The following SACS variants were observed in gnomAD, a reference collection of about 807,000 sequenced individuals.
SACS encodes sacsin molecular chaperone.
A neutral mutation model predicts 348.0 loss-of-function variants in SACS; 197 were observed. The observed-to-expected ratio is 0.57, with a 90% CI of 0.50 to 0.64. The LOEUF is 0.64. SACS is among the 30% of genes least tolerant of loss of function. The probability of loss-of-function intolerance (pLI) is 0.00; values close to 1 mark genes in which losing one functional copy is unlikely to be tolerated. For missense variants in SACS, 4,999 were observed against 5,360.8 expected (o/e 0.93, Z 2.11); for synonymous variants, 1,985 against 1,910.6 (o/e 1.04, Z -1.02).
chr13:23,330,024 C>A lies in SACS; in HGVS notation c.*112G>T, dbSNP rs1045292870. On this transcript the variant is annotated 3_prime_UTR_variant, in exon 10 of 10. Transcript: ENST00000382292. ...AACTCCAGAATTCTCCAAGAACAATCTGCAATGTGCTTAACAATTCCTAGC... is the reference window on the plus strand; with the variant it reads ...AACTCCAGAATTCTCCAAGAACAATATGCAATGTGCTTAACAATTCCTAGC... 2.1e-6 allele frequency: 2 copies of A among 953,996 alleles called. No homozygotes were observed. Among genetic ancestry groups the A allele is most frequent in the East Asian group, 2.6e-5 (1 of 38,416 alleles). The allele number at this position is 953,996 out of a possible 1,614,324, so 59.1% of individuals were successfully genotyped here.
chr13:23,377,982 T>G lies in SACS; in HGVS notation c.21-2713A>C, dbSNP rs1485407203. Among the ~76,000 whole-genome samples the G allele has an allele frequency of 2.6e-5, 4 of 152,358 alleles. No individual in the cohort carries two copies. The East Asian group carries it at 7.7e-4, about 29-fold the overall frequency. On this transcript the variant is annotated intron_variant, in intron 2 of 9. Coordinates refer to ENST00000382292, the MANE Select transcript of SACS (RefSeq NM_014363.6). ...GAAAAATGACAAAACTTTTCTTCTC[T>G]TTGTGCTCAGGTAGACACAATTGCT...
At chr13:23,416,304 G>T (rs918765828) in intron 1 of SACS, among the ~76,000 whole-genome samples, 3 of 137,892 alleles carry the variant, frequency 2.2e-5, no homozygotes, top group African/African-American at 7.4e-5. Context: ...ATGAAAAAAT[G>T]TCTTGGGGAT....
chr13:23,374,370 T>C (rs1268927976), intron 3 of SACS, among the ~76,000 whole-genome samples: 1 of 152,242 alleles, frequency 6.6e-6, no homozygotes, highest in African/African-American at 2.4e-5. Flanking sequence ...ACACCTGAAA[T>C]GTCATCCTAT....
rs1389773477 is a variant in SACS at position 23,340,215 on chromosome 13, G to C, written c.3661C>G (p.Leu1221Val). The change falls in exon 10 of 10, where the codon CTT becomes GTT. Residue 1221 changes from leucine to valine, a missense_variant. Leu to Val is a conservative substitution (Grantham distance 32, BLOSUM62 1). This residue lies in a region of SACS where 3,156 missense variants were observed against 3,380.1 expected (regional missense o/e 0.93). Coordinates refer to ENST00000382292, the MANE Select transcript of SACS (RefSeq NM_014363.6). ...KALGIFTKPS[L>V]SAVLKHFKIV... ...TTAAAGTGTTTTAAGACAGCACTAA[G>C]GCTAGGTTTTGTGAAGATCCCTAAT... The C allele has an allele frequency of 1.2e-6, 2 of 1,610,892 alleles. No individual in the cohort carries two copies. Among genetic ancestry groups the C allele is most frequent in the Non-Finnish European group, 1.7e-6 (2 of 1,178,162 alleles).
intron 9 of SACS, among the ~76,000 whole-genome samples, chr13:23,346,220 A>G (rs901100258): frequency 6.6e-6 from 1 of 152,134 alleles, no homozygotes; most frequent in African/African-American, 2.4e-5. Context: ...GTCTCAGTTC[A>G]CTGCAACCTC....
chr13:23,353,802 T>C lies in SACS; in HGVS notation c.2168A>G (p.Glu723Gly). ...LKPHLVAALK[E>G]AAQTRGRPCT... The stretch of plus-strand genomic sequence containing the variant: ...TATAATACCTCGGGTTTGGGCAGCT[T>C]CCTTTAAAGCAGCCACAAGGTGAGG... Residue 723 changes from glutamate (E) to glycine (G), a missense_variant, in exon 9 of 10, where the codon GAA becomes GGA. Physicochemically the swap from Glu to Gly is moderately conservative, Grantham distance 98. Coordinates refer to ENST00000382292, the MANE Select transcript of SACS (RefSeq NM_014363.6). 2 of 1,604,060 alleles carry C rather than the reference T, an allele frequency of 1.2e-6. No individual in the cohort carries two copies. The highest frequency in any genetic ancestry group is 1.7e-6 in the Non-Finnish European group (2 of 1,171,224).
chr13:23,343,214 T>G (rs893014082), intron 9 of SACS, among the ~76,000 whole-genome samples: 1 of 152,214 alleles, frequency 6.6e-6, no homozygotes, highest in African/African-American at 2.4e-5. Context: ...AGTTTCTTTC[T>G]AAGTGAATTT....
At chr13:23,419,732 TTCTG>T (rs1196025488) in intron 1 of SACS, among the ~76,000 whole-genome samples, 2 of 152,204 alleles carry the variant, frequency 1.3e-5, no homozygotes, top group African/African-American at 4.8e-5. Flanking sequence ...GTTTCATCGT[TTCTG>T]TGTGTGTTCA....
At chr13:23,385,378 A>C (rs1483388222) in intron 2 of SACS, among the ~76,000 whole-genome samples, 3 of 131,792 alleles carry the variant, frequency 2.3e-5, no homozygotes, top group African/African-American at 5.7e-5. Context: ...TTTTTTTTTG[A>C]GATAGAGTTT....
rs916268008 is a variant in SACS, at chr13:23,328,935, A to C, written c.*1201T>G. 5 of 152,810 alleles carry C rather than the reference A, an allele frequency of 3.3e-5. No individual in the cohort carries two copies. The highest frequency in any genetic ancestry group is 3.3e-4 in the Admixed American group (5 of 15,286). The allele number at this position is 152,810 out of a possible 1,614,324, so 9.5% of individuals were successfully genotyped here. ...AGCAATAAAATGTGGAGGTGCAAAC[A>C]TTCCTTATTCCCAATAAAAGTAAAA... On this transcript the variant is annotated 3_prime_UTR_variant, in exon 10 of 10. Coordinates refer to ENST00000382292, the MANE Select transcript of SACS (RefSeq NM_014363.6).
chr13:23,344,073 T>C (rs1231759238), intron 9 of SACS, among the ~76,000 whole-genome samples: 6 of 152,210 alleles, frequency 3.9e-5, no homozygotes, highest in East Asian at 1.9e-4. Context: ...GTGAGTCTTA[T>C]TGAAATATAA....
rs775633309 is a variant in SACS at position 23,337,747 on chromosome 13, T to C, written c.6129A>G (p.Lys2043=). ...AAAATGTGTTTTCAAGTAGTATCTG[T>C]TTGCAGCCAGCTTCTTCAAATCCTA... is the stretch of plus-strand genomic sequence containing the variant. ...VKLGFEEAGC[K]QILLENTFSE... is the part of the protein sequence containing the mutation. Residue 2043 remains lysine, a synonymous_variant, in exon 10 of 10, where the codon AAA becomes AAG. Transcript: ENST00000382292. The C allele has an allele frequency of 1.2e-6, 2 of 1,613,936 alleles. No individual in the cohort carries two copies. Among genetic ancestry groups the C allele is most frequent in the Non-Finnish European group, 1.7e-6 (2 of 1,179,962 alleles).
At chr13:23,423,352 A>AT (rs1874031783) in intron 1 of SACS, among the ~76,000 whole-genome samples, 1 of 152,078 alleles carries the variant, frequency 6.6e-6, no homozygotes, top group Non-Finnish European at 1.5e-5. Context: ...CCAAACACAC[A>AT]TTTTTTAGAA....
At chr13:23,363,473 C>T (rs1248392504) in intron 6 of SACS, among the ~76,000 whole-genome samples, 1 of 151,150 alleles carries the variant, frequency 6.6e-6, no homozygotes, top group Non-Finnish European at 1.5e-5. Flanking sequence ...GTGATCTGCC[C>T]ACTTGGCCTC....
Position 23,411,690 on chromosome 13 carries a change from C to G in SACS, c.-451G>C, listed in dbSNP as rs1399725010. On this transcript the variant is annotated 5_prime_UTR_variant, in exon 2 of 10. Transcript: ENST00000382292. The stretch of plus-strand genomic sequence containing the variant: ...GATGTAAAATATTCTTTGGTAGGAG[C>G]CTTTCTTCTGGCTCTGGTGACATGG... 6.0e-6 allele frequency: 1 copy of G among 165,376 alleles called. No individual in the cohort carries two copies. The highest frequency in any genetic ancestry group is 1.3e-5 in the Non-Finnish European group (1 of 77,774). The allele number at this position is 165,376 out of a possible 1,614,324, so 10.2% of individuals were successfully genotyped here. A position where few individuals can be genotyped will look rare whatever the true frequency, so the allele number is the denominator to read the frequency against.
Position 23,332,151 on chromosome 13 carries a change from G to A in SACS, c.11725C>T (p.Leu3909Phe). 6.2e-7 allele frequency: 1 copy of A among 1,614,018 alleles called. No individual in the cohort carries two copies. The highest frequency in any genetic ancestry group is 1.1e-5 in the South Asian group (1 of 91,078). ...LENVRDLALY[L>F]PSQDGRLVKS... is the part of the protein sequence containing the mutation. ...ACCAATCTACCATCCTGGCTTGGGA[G>A]GTAAAGCGCAAGGTCTCGTACATTC... Residue 3909 changes from leucine (L) to phenylalanine (F), a missense_variant, in exon 10 of 10, where the codon CTC becomes TTC. Physicochemically the swap from Leu to Phe is conservative, Grantham distance 22 (BLOSUM62 0). Transcript: ENST00000382292.
intron 1 of SACS, among the ~76,000 whole-genome samples, chr13:23,420,414 C>G (rs1018947996): frequency 1.3e-5 from 2 of 152,026 alleles, no homozygotes; most frequent in African/African-American, 2.4e-5. Context: ...CAATGTAAAT[C>G]TGGGCACTAA....
In SACS at chr13:23,336,217, A is replaced by G. The variant is rs759279315; in HGVS notation, c.7659T>C (p.Ala2553=). ...KEMLKELLQN[A]DDAKATEICF... ...AGATTTCTGTCGCCTTTGCATCATC[A>G]GCATTTTGAAGAAGCTCTTTCAACA... The change falls in exon 10 of 10, where the codon GCT becomes GCC. Residue 2553 remains alanine (A), a synonymous_variant. Coordinates refer to ENST00000382292, the MANE Select transcript of SACS (RefSeq NM_014363.6). The G allele has an allele frequency of 1.2e-6, 2 of 1,614,072 alleles. No individual in the cohort carries two copies. The highest frequency in any genetic ancestry group is 1.7e-6 in the Non-Finnish European group (2 of 1,179,948).
In SACS at chr13:23,335,107, A is replaced by T; in HGVS notation, c.8769T>A (p.Val2923=). 6.2e-7 allele frequency: 1 copy of T among 1,613,912 alleles called. No homozygotes were observed. The highest frequency in any genetic ancestry group is 2.2e-5 in the East Asian group (1 of 44,880). Reference sequence around the variant, plus strand: ...GTTTTTTTAACTGTATTAGCAATTCAACATATGCAGGAGCTATTAATGCTG... The same window carrying T: ...GTTTTTTTAACTGTATTAGCAATTCTACATATGCAGGAGCTATTAATGCTG... The part of the protein sequence containing the change: ...LMTALIAPAY[V]ELLIQLKKRY... The change falls in exon 10 of 10, where the codon GTT becomes GTA. Residue 2923 remains valine (V), a synonymous_variant. Transcript: ENST00000382292. The surrounding 1 kb of genome is among the most constrained non-coding windows in gnomAD (Gnocchi z 4.7).
Sources: gnomAD v4.1 joint callset for allele counts (sites outside exome capture counted in the v4.1 genomes callset) on GRCh38, gnomAD v4.1.1 for gene constraint, gnomAD v4.1.1 regional missense constraint, Gnocchi (gnomAD v3.1) non-coding constraint, MANE v1.5 for transcripts, NCBI Gene and HGNC (gene_info 2026-07-23, HGNC 2026-07-21) for gene names.